VAV2: variants seen among roughly 807,000 people sequenced by gnomAD.
The protein encoded by VAV2 is vav guanine nucleotide exchange factor 2.
A neutral mutation model predicts 132.5 loss-of-function variants in VAV2; 67 were observed. The ratio of observed to expected loss-of-function variants is 0.51; its 90% CI spans 0.42 to 0.62. VAV2 has a LOEUF of 0.62. VAV2 is among the 20% of genes least tolerant of loss of function. VAV2 has a pLI of 0.00. For synonymous variants in VAV2, 492 were observed against 443.5 expected (o/e 1.11, Z -1.37); for missense variants, 938 against 1,153.6 (o/e 0.81, Z 2.71).
At chr9:133,934,196 T>C (rs1011404220) in intron 2 of VAV2, among the ~76,000 whole-genome samples, 24 of 107,696 alleles carry the variant, frequency 2.2e-4, no homozygotes, top group African/African-American at 7.2e-4. Flanking sequence ...AAGGAATGAC[T>C]CCCACAACAT....
In VAV2 at chr9:133,930,509, G is replaced by A. The variant is rs548219304; in HGVS notation, c.321+8594C>T. ...CCGGCATCCTGGCCGTCTTCCGTGC[G>A]CCTTCCATACAGACAACTGTGCTGC... On this transcript the variant is annotated intron_variant, in intron 2 of 29. Coordinates refer to ENST00000371850, the MANE Select transcript of VAV2 (RefSeq NM_001134398.2). 1.7e-4 allele frequency among the ~76,000 whole-genome samples: 26 copies of A among 152,288 alleles called. No homozygotes were observed. In the East Asian group the frequency reaches 3.1e-3, roughly 18 times the overall value.
At chr9:133,889,145 G>A (rs1331149017) in intron 2 of VAV2, among the ~76,000 whole-genome samples, 5 of 152,164 alleles carry the variant, frequency 3.3e-5, no homozygotes, top group African/African-American at 4.8e-5. Context: ...GTGGGAAACC[G>A]AGGCCCAGCA....
intron 2 of VAV2, among the ~76,000 whole-genome samples, chr9:133,875,832 C>T (rs1004637257): frequency 6.6e-5 from 10 of 152,248 alleles, no homozygotes; most frequent in African/African-American, 1.7e-4. Flanking sequence ...ACATTACCTC[C>T]GGAGTGGCTG....
chr9:133,988,892 G>A (rs750061275), intron 1 of VAV2, among the ~76,000 whole-genome samples: 5 of 150,150 alleles, frequency 3.3e-5, no homozygotes, highest in Non-Finnish European at 7.4e-5. Flanking sequence ...ATAGTGAAAC[G>A]CCGCCTCTAC....
chr9:133,869,089 C>G (rs1217824977), intron 2 of VAV2, among the ~76,000 whole-genome samples: 5 of 151,956 alleles, frequency 3.3e-5, no homozygotes, highest in Admixed American at 3.3e-4. Context: ...CTCTGCCTCC[C>G]GGGCTCAAGC....
intron 2 of VAV2, among the ~76,000 whole-genome samples, chr9:133,910,786 T>C (rs1490727645): frequency 7.1e-6 from 1 of 140,136 alleles, no homozygotes; most frequent in Non-Finnish European, 1.5e-5. Flanking sequence ...ATTGCACCAC[T>C]GCACCCCAGC....
chr9:133,865,474 C>T (rs531076326), intron 2 of VAV2, among the ~76,000 whole-genome samples: 78 of 152,128 alleles, frequency 5.1e-4, no homozygotes, highest in Non-Finnish European at 8.7e-4. Context: ...ATTCTCCCTT[C>T]GGCTCCACCT....
At chr9:133,871,436 T>TGGATGGATGGATG (rs1554796203) in intron 2 of VAV2, among the ~76,000 whole-genome samples, 2 of 135,382 alleles carry the variant, frequency 1.5e-5, no homozygotes, top group Non-Finnish European at 3.2e-5. Context: ...ATGGATGGAT[T>TGGATGGATGGATG]GATTGATGGA....
chr9:133,892,288 T>C (rs2519772), intron 2 of VAV2, among the ~76,000 whole-genome samples: 1 of 151,168 alleles, frequency 6.6e-6, no homozygotes, highest in African/African-American at 2.4e-5. Context: ...GGGGCTGTGC[T>C]GCTAGGAAGT....
chr9:133,910,026 T>A (rs1292134736), intron 2 of VAV2, among the ~76,000 whole-genome samples: 1 of 152,112 alleles, frequency 6.6e-6, no homozygotes, highest in Non-Finnish European at 1.5e-5. Context: ...TGCCAGGCCA[T>A]GTGACTAGAA....
intron 2 of VAV2, among the ~76,000 whole-genome samples, chr9:133,907,662 C>T (rs1021777782): frequency 1.3e-5 from 2 of 152,256 alleles, no homozygotes; most frequent in Non-Finnish European, 2.9e-5. Context: ...TTTCCTAGAT[C>T]CACCGCCATC....
rs1370030114 is a variant in VAV2, at chr9:133,965,334, AT to A, written c.205-26116del. The stretch of plus-strand genomic sequence containing the variant: ...GAAACCCCATCTCTAAAAAAAAAAA[AT>A]AATAATAACAAAAGTTAGGCAGGCA... On this transcript the variant is annotated intron_variant, in intron 1 of 29. Transcript: ENST00000371850. Among the ~76,000 whole-genome samples, 61 of 151,808 alleles carry A rather than the reference AT, an allele frequency of 4.0e-4. 1 individual carries two copies. The East Asian group carries it at 5.8e-3, about 14-fold the overall frequency.
At chr9:133,792,211 AGC>A (rs1834508938) in intron 12 of VAV2, among the ~76,000 whole-genome samples, 1 of 116,114 alleles carries the variant, frequency 8.6e-6, no homozygotes, top group African/African-American at 3.5e-5. Flanking sequence ...TGTGTGTGTG[AGC>A]TGGTTGTGCT....
rs746986747 is a variant in VAV2, at chr9:133,844,247, C to A, written c.381-9907G>T. On this transcript the variant is annotated intron_variant, in intron 3 of 29. Coordinates refer to ENST00000371850, the MANE Select transcript of VAV2 (RefSeq NM_001134398.2). Reference sequence around the variant, plus strand: ...ATATATATTTTTATTTTCCAACACGCTTCTCGTAAGGGAACCTCGGCTGGC... The same window carrying A: ...ATATATATTTTTATTTTCCAACACGATTCTCGTAAGGGAACCTCGGCTGGC... Among the ~76,000 whole-genome samples the A allele has an allele frequency of 5.3e-5, 8 of 152,198 alleles. No homozygotes were observed. The South Asian group carries it at 1.0e-3, about 20-fold the overall frequency.
chr9:133,854,701 T>G (rs1311253316), intron 3 of VAV2, among the ~76,000 whole-genome samples: 2 of 151,906 alleles, frequency 1.3e-5, no homozygotes, highest in Non-Finnish European at 2.9e-5. Flanking sequence ...TCTTCTGACC[T>G]CCCCTCCCCA....
chr9:133,881,707 G>A (rs1298945447), intron 2 of VAV2, among the ~76,000 whole-genome samples: 2 of 152,238 alleles, frequency 1.3e-5, no homozygotes, highest in African/African-American at 4.8e-5. Flanking sequence ...TCATGTGTCT[G>A]ATACCAAATG....
In VAV2 at chr9:133,768,586, G is replaced by C. The variant is rs1396019565; in HGVS notation, c.2445C>G (p.Pro815=). Residue 815 remains proline (P), a synonymous_variant, in exon 29 of 30, where the codon CCC becomes CCG. Coordinates refer to ENST00000371850, the MANE Select transcript of VAV2 (RefSeq NM_001134398.2). The surrounding 1 kb of genome is among the most constrained non-coding windows in gnomAD (Gnocchi z 5.3). ...PSAPFWSVFT[P]RVIGTAVARY... The stretch of plus-strand genomic sequence containing the variant: ...TGGCCACAGCTGTGCCGATGACGCG[G>C]GGCGTGAACACTGTTGAGGGAGATG... The C allele has an allele frequency of 3.7e-6, 6 of 1,613,772 alleles. No homozygotes were observed. The highest frequency in any genetic ancestry group is 3.3e-5 in the South Asian group (3 of 91,080).
intron 2 of VAV2, among the ~76,000 whole-genome samples, chr9:133,862,122 G>A (rs1048042734): frequency 2.6e-5 from 4 of 152,340 alleles, no homozygotes; most frequent in Middle Eastern, 3.4e-3. Context: ...AGCAGTAGCC[G>A]CTCCTCCTCC....
intron 19 of VAV2, among the ~76,000 whole-genome samples, chr9:133,781,296 G>A (rs1441108440): frequency 2.6e-5 from 4 of 152,212 alleles, no homozygotes; most frequent in Non-Finnish European, 5.9e-5. Flanking sequence ...GGCCCTTTAG[G>A]GCCCAGCCAT....
Sources: gnomAD v4.1 joint callset for allele counts (sites outside exome capture counted in the v4.1 genomes callset) on GRCh38, gnomAD v4.1.1 for gene constraint, Gnocchi (gnomAD v3.1) non-coding constraint, MANE v1.5 for transcripts, NCBI Gene and HGNC (gene_info 2026-07-23, HGNC 2026-07-21) for gene names.